Variants in LDB2 observed in about 807,000 individuals in gnomAD.
LDB2 encodes LIM domain-binding protein 2.
LDB2 carries 12 observed loss-of-function variants against 44.3 expected under a neutral mutation model. That is an observed-to-expected ratio of 0.27 (90% CI 0.17 to 0.44). LDB2 has a LOEUF of 0.44. Among genes scored for constraint, LDB2 ranks in the 20% least tolerant of loss-of-function variants. The pLI is 1.00. For missense variants in LDB2, 344 were observed against 473.5 expected (o/e 0.73, Z 2.54); for synonymous variants, 164 against 174.8 (o/e 0.94, Z 0.49).
At chr4:16,816,220 T>A (rs1780864776) in intron 1 of LDB2, among the ~76,000 whole-genome samples, 1 of 151,908 alleles carries the variant, frequency 6.6e-6, no homozygotes, top group Non-Finnish European at 1.5e-5. Context: ...GATAAAAAAT[T>A]AAAAAATCCT....
intron 1 of LDB2, among the ~76,000 whole-genome samples, chr4:16,760,983 C>T (rs917525631): frequency 6.6e-6 from 1 of 151,616 alleles, no homozygotes; most frequent in Non-Finnish European, 1.5e-5. Context: ...ATCCACAGTA[C>T]GAATCCACTT....
intron 2 of LDB2, among the ~76,000 whole-genome samples, chr4:16,736,388 G>T (rs771080009): frequency 2.0e-5 from 3 of 152,178 alleles, no homozygotes; most frequent in Non-Finnish European, 4.4e-5. Context: ...TCTTTACATT[G>T]TCTATTTGCC....
intron 5 of LDB2, among the ~76,000 whole-genome samples, chr4:16,543,966 CT>C (rs1292879828): frequency 6.6e-6 from 1 of 151,732 alleles, no homozygotes; most frequent in African/African-American, 2.4e-5. Flanking sequence ...TTTTTCTTTC[CT>C]AATAATTACT....
chr4:16,745,573 T>G (rs1764229054), intron 2 of LDB2, among the ~76,000 whole-genome samples: 2 of 152,136 alleles, frequency 1.3e-5, no homozygotes, highest in South Asian at 4.1e-4. Flanking sequence ...TGGAAGGAAA[T>G]AAATCTTTAG....
intron 5 of LDB2, among the ~76,000 whole-genome samples, chr4:16,560,960 C>G (rs545658811): frequency 6.6e-6 from 1 of 152,228 alleles, no homozygotes; most frequent in South Asian, 2.1e-4. Context: ...GAACCAAAGA[C>G]AAAAACCACA....
chr4:16,744,372 G>GTCT (rs937806205), intron 2 of LDB2, among the ~76,000 whole-genome samples: 7 of 151,622 alleles, frequency 4.6e-5, no homozygotes, highest in African/African-American at 1.7e-4. Context: ...GACCAGGCTG[G>GTCT]TCTTGAACTC....
At chr4:16,620,183 C>T (rs2152479279) in intron 2 of LDB2, among the ~76,000 whole-genome samples, 1 of 152,250 alleles carries the variant, frequency 6.6e-6, no homozygotes, top group Non-Finnish European at 1.5e-5. Flanking sequence ...CAAAACAGTG[C>T]CTGGCAGAGT....
intron 1 of LDB2, among the ~76,000 whole-genome samples, chr4:16,896,510 T>G (rs528426006): frequency 6.6e-6 from 1 of 152,142 alleles, no homozygotes; most frequent in African/African-American, 2.4e-5. Context: ...CAGGCAGATA[T>G]CAGAGAAAGC....
At chr4:16,613,681 GA>G (rs1362576870) in intron 2 of LDB2, among the ~76,000 whole-genome samples, 2 of 151,782 alleles carry the variant, frequency 1.3e-5, no homozygotes, top group East Asian at 1.9e-4. Context: ...ACTACAAAGA[GA>G]AAAAAATACC....
intron 2 of LDB2, among the ~76,000 whole-genome samples, chr4:16,654,441 C>T (rs1275916691): frequency 1.3e-5 from 2 of 152,094 alleles, no homozygotes; most frequent in Admixed American, 6.6e-5. Context: ...AGCATCAGCC[C>T]CATCCTTATG....
intron 5 of LDB2, among the ~76,000 whole-genome samples, chr4:16,536,436 G>A (rs1345507586): frequency 6.6e-6 from 1 of 152,182 alleles, no homozygotes; most frequent in African/African-American, 2.4e-5. Context: ...TGTGCTGCTG[G>A]TCAGATGTCC....
chr4:16,824,919 C>T (rs1316835598), intron 1 of LDB2, among the ~76,000 whole-genome samples: 1 of 152,196 alleles, frequency 6.6e-6, no homozygotes, highest in Non-Finnish European at 1.5e-5. Flanking sequence ...AGAGATAAAA[C>T]AAGGAAAGCA....
intron 2 of LDB2, among the ~76,000 whole-genome samples, chr4:16,660,931 C>T (rs1479808867): frequency 6.6e-6 from 1 of 152,164 alleles, no homozygotes; most frequent in Admixed American, 6.5e-5. Flanking sequence ...GGAATATAGG[C>T]ATTGTCCTAT....
chr4:16,598,961 G>A (rs986313994), intron 2 of LDB2, among the ~76,000 whole-genome samples: 1 of 151,122 alleles, frequency 6.6e-6, no homozygotes, highest in Non-Finnish European at 1.5e-5. Context: ...GACCACTGCA[G>A]TCCTGTTCCA....
intron 1 of LDB2, among the ~76,000 whole-genome samples, chr4:16,898,111 C>T (rs566710320): frequency 1.5e-4 from 22 of 151,522 alleles, no homozygotes; most frequent in Non-Finnish European, 2.9e-4. Context: ...TTCTGGAAAC[C>T]CGGCATGTGA....
chr4:16,599,898 C>T (rs1578123832), intron 2 of LDB2, among the ~76,000 whole-genome samples: 1 of 151,918 alleles, frequency 6.6e-6, no homozygotes, highest in African/African-American at 2.4e-5. Context: ...GATTTTTGTC[C>T]CTGTCTTTCA....
At chr4:16,742,031 T>G (rs1763362165) in intron 2 of LDB2, among the ~76,000 whole-genome samples, 1 of 151,924 alleles carries the variant, frequency 6.6e-6, no homozygotes, top group Admixed American at 6.6e-5. Context: ...CATACACCAT[T>G]TCTTTTTTTC....
intron 5 of LDB2, among the ~76,000 whole-genome samples, chr4:16,565,946 C>CCA (rs903860307): frequency 6.6e-6 from 1 of 151,248 alleles, no homozygotes; most frequent in South Asian, 2.1e-4. Context: ...ATGCATATGA[C>CCA]CACACACACA....
chr4:16,592,118 G>A (rs1431522232), intron 3 of LDB2, among the ~76,000 whole-genome samples: 1 of 152,114 alleles, frequency 6.6e-6, no homozygotes, highest in Non-Finnish European at 1.5e-5. Context: ...GAAAGAGGCT[G>A]GCAGGCATTC....
Sources: gnomAD v4.1 joint callset for allele counts (sites outside exome capture counted in the v4.1 genomes callset) on GRCh38, gnomAD v4.1.1 for gene constraint, MANE v1.5 for transcripts, NCBI Gene and HGNC (gene_info 2026-07-23, HGNC 2026-07-21) for gene names.